Variants in TBC1D9B observed in about 807,000 individuals in gnomAD.
TBC1D9B encodes the protein TBC1 domain family member 9B, also known as TBC1 domain family, member 9B (with GRAM domain).
A neutral mutation model predicts 121.1 loss-of-function variants in TBC1D9B; 87 were observed. That is an observed-to-expected ratio of 0.72 (90% CI 0.60 to 0.86). The LOEUF (loss-of-function observed/expected upper bound fraction) is 0.86, where lower values mean the gene tolerates loss of function less well. Among genes scored for constraint, TBC1D9B ranks in the 40% least tolerant of loss-of-function variants. The pLI is 0.00. For missense variants in TBC1D9B, 1,540 were observed against 1,628.6 expected (o/e 0.95, Z 0.94); for synonymous variants, 668 against 670.1 (o/e 1.00, Z 0.05).
chr5:179,867,907 G>A (rs1760069974), intron 17 of TBC1D9B, 58 bp from the exon 18 acceptor site: 7 of 1,473,836 alleles, frequency 4.7e-6, no homozygotes, highest in Non-Finnish European at 6.3e-6. Flanking sequence ...TCCTCTCAGA[G>A]TAAGTTCCCT....
intron 17 of TBC1D9B, 128 bp downstream of exon 17, chr5:179,869,641 T>A (rs1388645422): frequency 1.0e-6 from 1 of 1,003,818 alleles, no homozygotes; most frequent in South Asian, 1.4e-5. Flanking sequence ...TCCTCCAATG[T>A]GAACCTCCAG....
In TBC1D9B at chr5:179,874,850, G is replaced by C. The variant is rs1238043247; in HGVS notation, c.2186+52C>G. 2 of 1,589,378 alleles carry C rather than the reference G, an allele frequency of 1.3e-6. No homozygotes were observed. The highest frequency in any genetic ancestry group is 1.7e-6 in the Non-Finnish European group (2 of 1,169,520). On this transcript the variant is annotated intron_variant, in intron 12 of 20. Coordinates refer to ENST00000355235, the MANE Select transcript of TBC1D9B (RefSeq NM_015043.4). This position sits in a 1 kb window ranked among gnomAD's most constrained non-coding sequence, Gnocchi z 4.3. ...GCTGACTGGACAGTGCCCGGGGCTGGTGAGGGGTTCTGCTGTGAGCCCCCA... is the reference window on the plus strand; with the variant it reads ...GCTGACTGGACAGTGCCCGGGGCTGCTGAGGGGTTCTGCTGTGAGCCCCCA...
intron 20 of TBC1D9B, 41 bp from the exon 21 acceptor site, chr5:179,864,169 G>A (rs540204653): frequency 2.6e-6 from 4 of 1,537,382 alleles, no homozygotes; most frequent in African/African-American, 2.7e-5. Context: ...GATGGTAAAA[G>A]ACCAGTCAGA....
In TBC1D9B at chr5:179,879,740, G is replaced by A. The variant is rs755048722; in HGVS notation, c.1304C>T (p.Ser435Phe). 4 of 1,613,976 alleles carry A rather than the reference G, an allele frequency of 2.5e-6. No individual in the cohort carries two copies. ...EGSEQPASPASPLSSRQSFCA... is the reference protein window; with the variant it reads ...EGSEQPASPAFPLSSRQSFCA... ...GAAGCTCTGGCGGCTGCTGAGGGGA[G>A]AGGCTGGGCTGGCGGGCTGCTCCGA... is the stretch of plus-strand genomic sequence containing the variant. The change falls in exon 8 of 21, where the codon TCT becomes TTT. Residue 435 changes from serine (S) to phenylalanine (F), a missense_variant. Ser to Phe is a radical substitution (Grantham distance 155). Coordinates refer to ENST00000355235, the MANE Select transcript of TBC1D9B (RefSeq NM_015043.4).
chr5:179,872,771 G>T, intron 14 of TBC1D9B, 121 bp downstream of exon 14: 1 of 910,442 alleles, frequency 1.1e-6, no homozygotes, highest in Non-Finnish European at 1.7e-6. Flanking sequence ...CTACCATGAT[G>T]TACATACCAA....
Position 179,875,781 on chromosome 5 carries a change from C to G in TBC1D9B, c.1900+139G>C. On this transcript the variant is annotated intron_variant, in intron 11 of 20. Coordinates refer to ENST00000355235, the MANE Select transcript of TBC1D9B (RefSeq NM_015043.4). The surrounding 1 kb of genome is among the most constrained non-coding windows in gnomAD (Gnocchi z 4.5). ...TAGGCTCTGAGGGGACTTTTATAAA[C>G]CACCGAATGTGTAATACTACCCTCT... 3 of 600,712 alleles carry G rather than the reference C, an allele frequency of 5.0e-6. No homozygotes were observed. The highest frequency in any genetic ancestry group is 5.6e-6 in the Non-Finnish European group (2 of 358,552). The allele number at this position is 600,712 out of a possible 1,614,324, so 37.2% of individuals were successfully genotyped here.
In TBC1D9B at chr5:179,888,156, G is replaced by A. The variant is rs753131211; in HGVS notation, c.1201C>T (p.Gln401Ter). Residue 401 changes from glutamine to a stop codon, truncating the protein, a stop_gained, in exon 7 of 21, where the codon CAG (glutamine) becomes TAG (stop). Transcript: ENST00000355235. LOFTEE classifies it high-confidence loss of function. ...TTCCTGCTCCCGATACTGCCTGGCT[G>A]CTTGGATGGTGTTTTCTGGAGGAAG... ...SDFLQKTPSK[Q>*]PGSIGSRKAS... The A allele has an allele frequency of 5.6e-6, 9 of 1,613,806 alleles. No individual in the cohort carries two copies. The highest frequency in any genetic ancestry group is 6.8e-6 in the Non-Finnish European group (8 of 1,179,914).
intron 18 of TBC1D9B, 158 bp downstream of exon 18, chr5:179,867,620 C>CA (rs1561632629): frequency 6.8e-7 from 1 of 1,477,880 alleles, no homozygotes; most frequent in South Asian, 1.2e-5. Context: ...CCCCCGCCAG[C>CA]ATGGCAGAGC....
intron 17 of TBC1D9B, 168 bp from the exon 18 acceptor site, chr5:179,868,017 G>A: frequency 2.0e-6 from 1 of 498,654 alleles, no homozygotes; most frequent in Non-Finnish European, 3.3e-6. Context: ...GGTGATGATT[G>A]GTTCTGGTTA....
intron 20 of TBC1D9B, 38 bp from the exon 21 acceptor site, chr5:179,864,166 A>C (rs1364550431): frequency 6.4e-7 from 1 of 1,552,534 alleles, no homozygotes. Flanking sequence ...GGAGATGGTA[A>C]AAGACCAGTC....
chr5:179,901,914 G>C (rs1199632089), intron 2 of TBC1D9B, among the ~76,000 whole-genome samples: 1 of 152,192 alleles, frequency 6.6e-6, no homozygotes, highest in Admixed American at 6.5e-5. Flanking sequence ...ATTAAATGCT[G>C]TTTCTGTTTT....
chr5:179,873,575 C>T (rs1288771517), intron 12 of TBC1D9B, among the ~76,000 whole-genome samples: 8 of 152,226 alleles, frequency 5.3e-5, no homozygotes, highest in Non-Finnish European at 1.0e-4. Context: ...GACGAGCTTC[C>T]TCCCTTTGGC....
rs1561651342 is a variant in TBC1D9B, at chr5:179,904,233, T to TTC, written c.229+468_229+469insGA. ...CAGTGGAGCTGCCTTTTTTTTTTTT[T>TTC]TTTTTTTTTGAGACGGAATCTCGCT... On this transcript the variant is annotated intron_variant, in intron 2 of 20. Transcript: ENST00000355235. The surrounding 1 kb of genome is among the most constrained non-coding windows in gnomAD (Gnocchi z 4.2). Among the ~76,000 whole-genome samples, 1 of 146,442 alleles carries TTC rather than the reference T, an allele frequency of 6.8e-6. No individual in the cohort carries two copies. The highest frequency in any genetic ancestry group is 2.6e-5 in the African/African-American group (1 of 38,864).
intron 18 of TBC1D9B, 147 bp from the exon 19 acceptor site, chr5:179,866,035 C>G: frequency 3.4e-6 from 3 of 889,810 alleles, no homozygotes; most frequent in Non-Finnish European, 5.3e-6. Context: ...GCCACACCTC[C>G]TGCCTGGCCC....
intron 18 of TBC1D9B, 157 bp downstream of exon 18, chr5:179,867,621 A>G (rs1760054668): frequency 1.4e-6 from 2 of 1,476,208 alleles, no homozygotes; most frequent in African/African-American, 1.4e-5. Context: ...CCCCGCCAGC[A>G]TGGCAGAGCC....
In TBC1D9B at chr5:179,863,403, A is replaced by G. The variant is rs1418398123; in HGVS notation, c.*45T>C. 7 of 1,583,456 alleles carry G rather than the reference A, an allele frequency of 4.4e-6. No individual in the cohort carries two copies. Among genetic ancestry groups the G allele is most frequent in the African/African-American group, 4.0e-5 (3 of 74,198 alleles). ...AGGAAAGGCAGGAGGAGATGAGGCC[A>G]GCCCCACTGATGACACCTTGGGCCA... On this transcript the variant is annotated 3_prime_UTR_variant, in exon 21 of 21. Transcript: ENST00000355235. The surrounding 1 kb of genome is among the most constrained non-coding windows in gnomAD (Gnocchi z 4.5).
Position 179,863,472 on chromosome 5 carries a change from A to G in TBC1D9B, c.3678T>C (p.His1226=), listed in dbSNP as rs2113594290. The change falls in exon 21 of 21, where the codon CAT becomes CAC. Residue 1226 remains histidine, a synonymous_variant. Coordinates refer to ENST00000355235, the MANE Select transcript of TBC1D9B (RefSeq NM_015043.4). The surrounding 1 kb of genome is among the most constrained non-coding windows in gnomAD (Gnocchi z 4.5). ...VERQFSTASD[H]EQPGVSG is the part of the protein sequence containing the mutation. ...ATCAGCCGGAAACTCCAGGCTGCTC[A>G]TGGTCACTGGCGGTGCTGAACTGTC... The G allele has an allele frequency of 2.5e-6, 4 of 1,614,060 alleles. No individual in the cohort carries two copies. Among genetic ancestry groups the G allele is most frequent in the Non-Finnish European group, 3.4e-6 (4 of 1,179,932 alleles).
chr5:179,897,118 A>G (rs976250450), intron 3 of TBC1D9B, among the ~76,000 whole-genome samples: 2 of 151,932 alleles, frequency 1.3e-5, no homozygotes, highest in African/African-American at 2.4e-5. Flanking sequence ...TGTGTTAGCC[A>G]GGATGGTCTC....
intron 8 of TBC1D9B, 89 bp downstream of exon 8, chr5:179,879,539 G>A (rs1238753215): frequency 3.1e-6 from 5 of 1,596,316 alleles, no homozygotes; most frequent in Non-Finnish European, 2.6e-6. Flanking sequence ...AGGGCCCTGA[G>A]GGAAGGCCCA....
Sources: allele counts gnomAD v4.1 joint callset (sites outside exome capture counted in the v4.1 genomes callset), GRCh38; gene constraint gnomAD v4.1.1; non-coding constraint Gnocchi (gnomAD v3.1); transcripts MANE v1.5; gene names NCBI Gene and HGNC (gene_info 2026-07-23, HGNC 2026-07-21).